The following ITGAE variants were observed in gnomAD, a reference collection of about 807,000 sequenced individuals.
ITGAE encodes integrin alpha-E.
A neutral mutation model predicts 136.5 loss-of-function variants in ITGAE; 99 were observed. The ratio of observed to expected loss-of-function variants is 0.73; its 90% CI spans 0.62 to 0.86. The LOEUF is 0.86. Among genes scored for constraint, ITGAE ranks in the 40% least tolerant of loss-of-function variants. The pLI is 0.00. For missense variants in ITGAE, 1,447 were observed against 1,515.3 expected (o/e 0.95, Z 0.75); for synonymous variants, 613 against 591.8 (o/e 1.04, Z -0.52).
Position 3,723,563 on chromosome 17 carries a change from G to C in ITGAE, c.3141+125C>G, listed in dbSNP as rs1308982781. Reference sequence around the variant, plus strand: ...CAATTGAGACCCAGGGACGAAGCTAGGGAGGGCCTGGCAGCCCCCGGCACT... The same window carrying C: ...CAATTGAGACCCAGGGACGAAGCTACGGAGGGCCTGGCAGCCCCCGGCACT... On this transcript the variant is annotated intron_variant, in intron 27 of 30. Transcript: ENST00000263087. 8 of 1,114,736 alleles carry C rather than the reference G, an allele frequency of 7.2e-6. No homozygotes were observed. The East Asian group carries it at 2.1e-4, about 29-fold the overall frequency. The allele number at this position is 1,114,736 out of a possible 1,614,324, so 69.1% of individuals were successfully genotyped here.
In ITGAE at chr17:3,748,462, C is replaced by T. The variant is rs140173100; in HGVS notation, c.2025-410G>A. ...ATTAGCTGGGTGTGGTGGCGGGCGCCTGTAATCCCACCTACTTGGGAGGCT... is the reference window on the plus strand; with the variant it reads ...ATTAGCTGGGTGTGGTGGCGGGCGCTTGTAATCCCACCTACTTGGGAGGCT... On this transcript the variant is annotated intron_variant, in intron 16 of 30. Coordinates refer to ENST00000263087, the MANE Select transcript of ITGAE (RefSeq NM_002208.5). Among the ~76,000 whole-genome samples, 32 of 152,218 alleles carry T rather than the reference C, an allele frequency of 2.1e-4. 1 individual carries two copies. In the East Asian group the frequency reaches 6.2e-3, roughly 29 times the overall value.
chr17:3,732,059 G>A (rs1361086334), intron 22 of ITGAE, among the ~76,000 whole-genome samples: 1 of 146,200 alleles, frequency 6.8e-6, no homozygotes, highest in Non-Finnish European at 1.5e-5. Context: ...CTGGGTGACA[G>A]AATGAAACTC....
rs954098044 is a variant in ITGAE, at chr17:3,756,901, GA to G, written c.1171+82del. ...AGGGAGATGATGGGAGTTGCTCAGA[GA>G]AACCACATGAAGATGGGACAGAGGC... On this transcript the variant is annotated intron_variant, in intron 10 of 30. Coordinates refer to ENST00000263087, the MANE Select transcript of ITGAE (RefSeq NM_002208.5). 286 of 1,459,392 alleles carry G rather than the reference GA, an allele frequency of 2.0e-4. 1 individual carries two copies. Among genetic ancestry groups the G allele is most frequent in the South Asian group, 9.5e-4 (73 of 76,786 alleles). The allele number at this position is 1,459,392 out of a possible 1,614,324, so 90.4% of individuals were successfully genotyped here. A position where few individuals can be genotyped will look rare whatever the true frequency, so the allele number is the denominator to read the frequency against.
At chr17:3,725,798 C>T (rs763713650) in intron 26 of ITGAE, 13 of 1,609,164 alleles carry the variant, frequency 8.1e-6, no homozygotes, top group Non-Finnish European at 1.0e-5. Flanking sequence ...AGTTGTCTTC[C>T]TTGGCTACTG....
At chr17:3,761,690 G>A (rs150240866) in intron 4 of ITGAE, among the ~76,000 whole-genome samples, 170 bp from the exon 5 acceptor site, 4 of 152,288 alleles carry the variant, frequency 2.6e-5, no homozygotes, top group East Asian at 3.9e-4. Flanking sequence ...CATCAAGGCC[G>A]AGGCCGACAC....
At chr17:3,756,622 C>G (rs145259953) in intron 10 of ITGAE, among the ~76,000 whole-genome samples, 2,119 of 152,242 alleles carry the variant, frequency 0.014, 28 homozygotes, top group African/African-American at 0.023. Context: ...CCAGGCTGGT[C>G]TTGAACTCCA....
In ITGAE at chr17:3,761,053, TTCCTCCTCC is replaced by T. The variant is rs539432722; in HGVS notation, c.549_557del (p.Glu184_Glu186del). On this transcript the variant is annotated inframe_deletion, in exon 6 of 31. Transcript: ENST00000263087. ...CCTCGTCTTCCTCCTCCTCCTTGTCTTCCTCCTCCTCCTTCTCCAGAGCCCGGCGCTGCC... is the reference window on the plus strand; with the variant it reads ...CCTCGTCTTCCTCCTCCTCCTTGTCTTCCTTCTCCAGAGCCCGGCGCTGCC... The T allele has an allele frequency of 1.2e-6, 2 of 1,608,050 alleles. No homozygotes were observed. The highest frequency in any genetic ancestry group is 1.3e-5 in the African/African-American group (1 of 74,848).
intron 10 of ITGAE, among the ~76,000 whole-genome samples, chr17:3,756,558 C>G (rs892441242): frequency 2.6e-5 from 4 of 152,014 alleles, no homozygotes; most frequent in Non-Finnish European, 5.9e-5. Flanking sequence ...TGCACCACCA[C>G]GCCTGGCTAC....
intron 30 of ITGAE, among the ~76,000 whole-genome samples, chr17:3,715,461 C>T (rs1043928105): frequency 6.6e-6 from 1 of 152,140 alleles, no homozygotes; most frequent in Non-Finnish European, 1.5e-5. Context: ...TCAGGGAAGA[C>T]AGTGAGTGAA....
chr17:3,716,978 A>G, intron 29 of ITGAE, 180 bp from the exon 30 acceptor site: 1 of 551,486 alleles, frequency 1.8e-6, no homozygotes, highest in South Asian at 2.2e-5. Context: ...ATCATCTAAA[A>G]CTATCCAATC....
intron 27 of ITGAE, 124 bp from the exon 28 acceptor site, chr17:3,723,507 C>A: frequency 2.0e-6 from 2 of 977,290 alleles, no homozygotes; most frequent in South Asian, 2.8e-5. Flanking sequence ...TTTCAGCGCT[C>A]ACCTCGGCCC....
intron 1 of ITGAE, among the ~76,000 whole-genome samples, chr17:3,791,087 A>G (rs998431867): frequency 6.7e-5 from 10 of 149,812 alleles, no homozygotes; most frequent in South Asian, 4.3e-4. Flanking sequence ...CCCAGGAGGC[A>G]GAGCTTGCAG....
intron 14 of ITGAE, 35 bp downstream of exon 14, chr17:3,753,255 C>A (rs1400658880): frequency 1.2e-6 from 2 of 1,601,504 alleles, no homozygotes; most frequent in South Asian, 2.2e-5. Context: ...AGTGCCACAG[C>A]CTCAGCAAGC....
At chr17:3,726,502 A>G (rs1469244976) in intron 26 of ITGAE, 6 of 606,222 alleles carry the variant, frequency 9.9e-6, no homozygotes, top group Non-Finnish European at 1.8e-5. Flanking sequence ...ATTTGTTGAA[A>G]TGTTTAAATT....
At chr17:3,785,494 AGGAGGAAGGAAGGAAG>A (rs2052764465) in intron 1 of ITGAE, among the ~76,000 whole-genome samples, 1 of 116,892 alleles carries the variant, frequency 8.6e-6, no homozygotes, top group Non-Finnish European at 1.8e-5. Context: ...GAAGGAAGGA[AGGAGGAAGGAAGGAAG>A]GAAGGAAGGA....
chr17:3,759,316 C>A, intron 8 of ITGAE, 86 bp downstream of exon 8: 9 of 1,468,544 alleles, frequency 6.1e-6, no homozygotes, highest in Non-Finnish European at 7.5e-6. Flanking sequence ...TCTTCTCCTG[C>A]GGTTCTGGCC....
intron 19 of ITGAE, among the ~76,000 whole-genome samples, chr17:3,740,879 C>T (rs1442380713): frequency 2.6e-5 from 4 of 152,096 alleles, no homozygotes; most frequent in African/African-American, 9.7e-5. Context: ...CTCTGCACTT[C>T]GCACTTCTCT....
chr17:3,752,473 C>A (rs2051895213), intron 14 of ITGAE, among the ~76,000 whole-genome samples: 2 of 152,184 alleles, frequency 1.3e-5, no homozygotes, highest in Non-Finnish European at 2.9e-5. Context: ...GAGATGTTAT[C>A]AGCTGGGCGC....
At chr17:3,758,307 G>A (rs1294885920) in intron 8 of ITGAE, among the ~76,000 whole-genome samples, 1 of 150,156 alleles carries the variant, frequency 6.7e-6, no homozygotes. Flanking sequence ...GTGCAGTGGT[G>A]TGATCATGGC....
Sources: gnomAD v4.1 joint callset for allele counts (sites outside exome capture counted in the v4.1 genomes callset) on GRCh38, gnomAD v4.1.1 for gene constraint, MANE v1.5 for transcripts, NCBI Gene and HGNC (gene_info 2026-07-23, HGNC 2026-07-21) for gene names.